The following TXLNG variants were observed in gnomAD, a reference collection of about 807,000 sequenced individuals.
The protein encoded by TXLNG is taxilin gamma, also known as gamma-taxilin.
Under a neutral mutation model 38.8 loss-of-function variants are expected in TXLNG, and 5 were observed. That is an observed-to-expected ratio of 0.13 (90% CI 0.07 to 0.27). TXLNG has a LOEUF of 0.27. Among genes scored for constraint, TXLNG ranks in the 10% least tolerant of loss-of-function variants. The pLI is 1.00. For synonymous variants in TXLNG, 182 were observed against 158.2 expected, an observed-to-expected ratio of 1.15 and a Z score of -1.13; for missense variants, 393 against 398.2, an observed-to-expected ratio of 0.99 and a Z score of 0.11.
At chrX:16,810,469 T>C (rs1400946718) in intron 1 of TXLNG, among the ~76,000 whole-genome samples, 3 of 111,838 alleles carry the variant, frequency 2.7e-5, no homozygotes, top group Admixed American at 9.6e-5. Flanking sequence ...GTAGAAAAAT[T>C]GGGGCCTGCT....
At chrX:16,839,124 C>T (rs1929703761) in intron 8 of TXLNG, among the ~76,000 whole-genome samples, 1 of 112,165 alleles carries the variant, frequency 8.9e-6, no homozygotes, top group African/African-American at 3.2e-5. Flanking sequence ...TCCTGAATTT[C>T]TGAAAATTGT....
At chrX:16,815,133 A>G (rs754660474) in intron 1 of TXLNG, among the ~76,000 whole-genome samples, 10 of 111,333 alleles carry the variant, frequency 9.0e-5, no homozygotes, top group Middle Eastern at 9.3e-3. Context: ...GTGTCTGAGA[A>G]ATTCTGTGTT....
At chrX:16,834,189 A>G (rs1929510527) in intron 6 of TXLNG, 94 bp from the exon 7 acceptor site, 5 of 743,435 alleles carry the variant, frequency 6.7e-6, no homozygotes, top group Non-Finnish European at 7.9e-6. Flanking sequence ...GGTTCTTGCT[A>G]AAATAGAAGG....
chrX:16,801,950 C>CTTTTTTTTT (rs56071399), intron 1 of TXLNG, among the ~76,000 whole-genome samples: 3 of 45,259 alleles, frequency 6.6e-5, no homozygotes, highest in Admixed American at 5.7e-4. Flanking sequence ...TTCTTTCTTT[C>CTTTTTTTTT]TTTTTTTTTT....
chrX:16,813,211 A>G lies in TXLNG; in HGVS notation c.103-5363A>G, dbSNP rs1019852513. Among the ~76,000 whole-genome samples, 7 of 111,952 alleles carry G rather than the reference A, an allele frequency of 6.3e-5. No individual in the cohort carries two copies. The East Asian group carries it at 2.0e-3, about 31-fold the overall frequency. ...GAAAAGATGTTCAATATTGTTAGTC[A>G]TTAGGGAAATGCAAATCAAAAACAC... On this transcript the variant is annotated intron_variant, in intron 1 of 9. Coordinates refer to ENST00000380122, the MANE Select transcript of TXLNG (RefSeq NM_018360.3).
chrX:16,831,794 G>T (rs998488764), intron 5 of TXLNG, among the ~76,000 whole-genome samples: 1 of 111,610 alleles, frequency 9.0e-6, no homozygotes, highest in African/African-American at 3.3e-5. Flanking sequence ...ATTACTTGCA[G>T]GCGCTCTCTT....
At chrX:16,810,136 A>G (rs956054906) in intron 1 of TXLNG, among the ~76,000 whole-genome samples, 8 of 112,001 alleles carry the variant, frequency 7.1e-5, no homozygotes, top group Non-Finnish European at 1.1e-4. Flanking sequence ...ACCTAGTGGC[A>G]TTGTTGTGAG....
Position 16,816,565 on chromosome X carries a change from C to A in TXLNG, c.103-2009C>A, listed in dbSNP as rs187762826. On this transcript the variant is annotated intron_variant, in intron 1 of 9. Transcript: ENST00000380122. ...ACATATGGAAGTGAATTTTTAAAAT[C>A]TTTTCAAATAACTTAAGAGTTTCAG... Among the ~76,000 whole-genome samples the A allele has an allele frequency of 5.0e-3, 557 of 112,436 alleles. 4 individuals carry two copies. The highest frequency in any genetic ancestry group is 0.017 in the African/African-American group (537 of 30,999).
chrX:16,798,425 A>T (rs1011894206), intron 1 of TXLNG, among the ~76,000 whole-genome samples: 1 of 111,238 alleles, frequency 9.0e-6, no homozygotes, highest in Non-Finnish European at 1.9e-5. Context: ...TATATTTTGG[A>T]GAAAATATCT....
intron 1 of TXLNG, among the ~76,000 whole-genome samples, chrX:16,798,783 A>T (rs1927975580): frequency 9.1e-6 from 1 of 110,450 alleles, no homozygotes; most frequent in South Asian, 3.8e-4. Context: ...ACAGGTTCTC[A>T]CTATGGCTGG....
chrX:16,810,017 A>G (rs1349186567), intron 1 of TXLNG, among the ~76,000 whole-genome samples: 1 of 111,775 alleles, frequency 8.9e-6, no homozygotes, highest in African/African-American at 3.3e-5. Flanking sequence ...CTAGACTGCT[A>G]GAGTTCAAAT....
intron 1 of TXLNG, 109 bp from the exon 2 acceptor site, chrX:16,818,465 C>T: frequency 6.3e-6 from 6 of 945,999 alleles, no homozygotes; most frequent in South Asian, 2.5e-5. Context: ...TTTTGCAAAC[C>T]ACTAAGGAAG....
chrX:16,840,328 T>C (rs1288867887), intron 9 of TXLNG: 1 of 407,338 alleles, frequency 2.5e-6, no homozygotes, highest in Non-Finnish European at 3.1e-6. Context: ...ATAATCCGCC[T>C]CTCTAACAAG....
intron 1 of TXLNG, among the ~76,000 whole-genome samples, chrX:16,805,234 C>T (rs1157356924): frequency 9.2e-6 from 1 of 108,577 alleles, no homozygotes; most frequent in African/African-American, 3.3e-5. Flanking sequence ...CCTCCTACCT[C>T]GGCCTTGCAT....
intron 1 of TXLNG, among the ~76,000 whole-genome samples, chrX:16,816,639 A>G (rs1270056754): frequency 1.8e-5 from 2 of 112,235 alleles, no homozygotes; most frequent in Non-Finnish European, 3.8e-5. Context: ...GTGGCATCAA[A>G]CCATAACTCT....
chrX:16,833,098 T>A (rs1432155678), intron 6 of TXLNG, among the ~76,000 whole-genome samples: 1 of 112,568 alleles, frequency 8.9e-6, no homozygotes, highest in Non-Finnish European at 1.9e-5. Context: ...TGCTCACATT[T>A]AGCATGTTAA....
At chrX:16,802,419 T>G (rs1928139647) in intron 1 of TXLNG, among the ~76,000 whole-genome samples, 1 of 109,142 alleles carries the variant, frequency 9.2e-6, no homozygotes, top group Non-Finnish European at 1.9e-5. Flanking sequence ...CCCAGCTAAT[T>G]TTTGTATTTT....
At chrX:16,833,017 CTTG>C (rs1014947681) in intron 6 of TXLNG, among the ~76,000 whole-genome samples, 2 of 111,902 alleles carry the variant, frequency 1.8e-5, no homozygotes, top group Non-Finnish European at 3.8e-5. Flanking sequence ...AAGACCTGCA[CTTG>C]TTGTTTTTCT....
chrX:16,815,366 G>A (rs1374234190), intron 1 of TXLNG, among the ~76,000 whole-genome samples: 1 of 109,720 alleles, frequency 9.1e-6, no homozygotes, highest in Non-Finnish European at 1.9e-5. Context: ...GTAGAGACGG[G>A]ACTTCACCAT....
Sources: gnomAD v4.1 joint callset for allele counts (sites outside exome capture counted in the v4.1 genomes callset) on GRCh38, gnomAD v4.1.1 for gene constraint, MANE v1.5 for transcripts, NCBI Gene and HGNC (gene_info 2026-07-23, HGNC 2026-07-21) for gene names.